SGCE: variants seen among roughly 807,000 people sequenced by gnomAD.
The protein encoded by SGCE is sarcoglycan epsilon, also known as epsilon-sarcoglycan.
SGCE carries 26 observed loss-of-function variants against 57.8 expected under a neutral mutation model. The observed-to-expected ratio is 0.45, with a 90% CI of 0.33 to 0.62. SGCE has a LOEUF of 0.62. Ranked by LOEUF, SGCE falls within the 20% of genes least tolerant of loss-of-function variation. The pLI is 0.02. For missense variants in SGCE, 468 were observed against 548.6 expected (o/e 0.85, Z 1.47); for synonymous variants, 183 against 189.5 (o/e 0.97, Z 0.28).
intron 9 of SGCE, chr7:94,598,471 T>G (rs1340934615): frequency 6.1e-6 from 2 of 326,982 alleles, no homozygotes; most frequent in Non-Finnish European, 1.1e-5. Context: ...TATGGTTCTT[T>G]TTTTTATAAT....
intron 9 of SGCE, chr7:94,594,567 T>G (rs907807744): frequency 6.6e-6 from 1 of 151,986 alleles, no homozygotes; most frequent in Admixed American, 6.6e-5. Context: ...AAAAGGACAT[T>G]AGTGGAAAAA....
At chr7:94,599,031 G>T in intron 8 of SGCE, 68 bp from the exon 9 acceptor site, 1 of 1,137,996 alleles carries the variant, frequency 8.8e-7, no homozygotes, top group Non-Finnish European at 1.3e-6. Flanking sequence ...TCATCAATTT[G>T]AAAAACTTAT....
At chr7:94,586,806 T>C in intron 10 of SGCE, 1 of 984,634 alleles carries the variant, frequency 1.0e-6, no homozygotes, top group Non-Finnish European at 1.2e-6. Flanking sequence ...CCAGCCTCCA[T>C]TTAGTTTTAA....
At chr7:94,648,376 CAAA>C (rs71123907) in intron 1 of SGCE, among the ~76,000 whole-genome samples, 22 of 65,080 alleles carry the variant, frequency 3.4e-4, no homozygotes, top group East Asian at 9.4e-4. Flanking sequence ...ACTCTGTCTC[CAAA>C]AAAAAAAAAA....
At chr7:94,647,933 G>C (rs1584772934) in intron 1 of SGCE, among the ~76,000 whole-genome samples, 1 of 152,186 alleles carries the variant, frequency 6.6e-6, no homozygotes. Context: ...ATGTGTAATT[G>C]TTTGATTAAT....
In SGCE at chr7:94,603,342, CAT is replaced by C. The variant is rs794727794; in HGVS notation, c.771_772del (p.Cys258Ter). On this transcript the variant is annotated frameshift_variant, in exon 6 of 11. Transcript: ENST00000648936. LOFTEE classifies it high-confidence loss of function. ...AAATTGAGTACGAAATTTTTTATCA[CAT>C]GTTATTACAGGCTCCATTTCTTGAC... 2.5e-6 allele frequency: 4 copies of C among 1,612,458 alleles called. No individual in the cohort carries two copies. The highest frequency in any genetic ancestry group is 1.3e-5 in the African/African-American group (1 of 74,868).
At chr7:94,623,487 T>C in intron 3 of SGCE, 90 bp from the exon 4 acceptor site, 2 of 840,148 alleles carry the variant, frequency 2.4e-6, no homozygotes, top group Admixed American at 2.2e-5. Context: ...AAATTGTCAT[T>C]CTTTCCATTT....
intron 9 of SGCE, among the ~76,000 whole-genome samples, chr7:94,593,255 A>T (rs549091283): frequency 4.7e-4 from 72 of 152,172 alleles, no homozygotes; most frequent in South Asian, 6.2e-4. Context: ...AGAGAGACCC[A>T]ATTATCCTGG....
intron 5 of SGCE, among the ~76,000 whole-genome samples, chr7:94,610,851 C>A (rs1312718752): frequency 6.6e-6 from 1 of 151,946 alleles, no homozygotes; most frequent in African/African-American, 2.4e-5. Flanking sequence ...ATGAATAGAC[C>A]TATTTCCAAA....
chr7:94,634,709 G>C (rs934152879), intron 1 of SGCE, among the ~76,000 whole-genome samples: 7 of 152,152 alleles, frequency 4.6e-5, no homozygotes, highest in Non-Finnish European at 1.0e-4. Context: ...TTTGGCTGCC[G>C]AAAGACTCTT....
intron 5 of SGCE, among the ~76,000 whole-genome samples, chr7:94,615,370 A>G (rs1801740555): frequency 5.7e-4 from 1 of 1,764 alleles, no homozygotes; most frequent in African/African-American, 3.6e-3. Context: ...AAATAAATAG[A>G]TAGATAGATA....
In SGCE at chr7:94,603,464, T is replaced by C; in HGVS notation, c.663-12A>G. On this transcript the variant is annotated splice_polypyrimidine_tract_variant and intron_variant, in intron 5 of 10. Transcript: ENST00000648936. ...CCATGACATAAACGCTGTAAAAATG[T>C]GAAACTCTCAGGTTATCCTTTAAGA... 6.2e-7 allele frequency: 1 copy of C among 1,611,778 alleles called. No individual in the cohort carries two copies. Among genetic ancestry groups the C allele is most frequent in the Non-Finnish European group, 8.5e-7 (1 of 1,178,310 alleles).
intron 5 of SGCE, among the ~76,000 whole-genome samples, chr7:94,607,450 T>C (rs1182000020): frequency 6.6e-6 from 1 of 152,196 alleles, no homozygotes; most frequent in Non-Finnish European, 1.5e-5. Flanking sequence ...AAAGGAATTA[T>C]ACACAATGAT....
At chr7:94,587,469 A>G (rs1309731514) in intron 10 of SGCE, 2 of 1,243,146 alleles carry the variant, frequency 1.6e-6, no homozygotes, top group East Asian at 6.7e-5. Context: ...TTAATAACGA[A>G]GAAGTTCTAT....
At chr7:94,621,471 C>T (rs953846037) in intron 4 of SGCE, 1 of 152,230 alleles carries the variant, frequency 6.6e-6, no homozygotes, top group African/African-American at 2.4e-5. Flanking sequence ...TTAGTATCTA[C>T]TTGACCACAG....
rs901078141 is a variant in SGCE, at chr7:94,587,632, A to G, written c.1297+1057T>C. On this transcript the variant is annotated intron_variant, in intron 10 of 10. Transcript: ENST00000648936. ...TCCTTCATCAATCTCCTGAATGCTT[A>G]CAAAGTAGCACCAACACATCAATAT... 9 of 1,436,286 alleles carry G rather than the reference A, an allele frequency of 6.3e-6. No individual in the cohort carries two copies. The African/African-American group carries it at 1.1e-4, about 17-fold the overall frequency. 89.0% of individuals were successfully genotyped at this position (1,436,286 alleles called of 1,614,324 possible).
chr7:94,648,878 G>A (rs1394714648), intron 1 of SGCE, among the ~76,000 whole-genome samples: 1 of 152,214 alleles, frequency 6.6e-6, no homozygotes, highest in African/African-American at 2.4e-5. Flanking sequence ...TTTAACTGCT[G>A]TAAGAAAATT....
chr7:94,646,113 T>G (rs1807033831), intron 1 of SGCE, among the ~76,000 whole-genome samples: 1 of 152,200 alleles, frequency 6.6e-6, no homozygotes, highest in East Asian at 1.9e-4. Context: ...ATCCTCATTC[T>G]CTGCACTTAG....
At chr7:94,624,077 C>T (rs2116924381) in intron 3 of SGCE, 1 of 394,504 alleles carries the variant, frequency 2.5e-6, no homozygotes, top group East Asian at 3.6e-5. Flanking sequence ...AAAGCAAAGG[C>T]CAACAACAGG....
Sources: gnomAD v4.1 joint callset for allele counts (sites outside exome capture counted in the v4.1 genomes callset) on GRCh38, gnomAD v4.1.1 for gene constraint, MANE v1.5 for transcripts, NCBI Gene and HGNC (gene_info 2026-07-23, HGNC 2026-07-21) for gene names.